Variants in ATP13A5 observed in about 807,000 individuals in gnomAD.
The protein encoded by ATP13A5 is ATPase 13A5.
A neutral mutation model predicts 150.2 loss-of-function variants in ATP13A5; 149 were observed. The observed-to-expected ratio is 0.99, with a 90% CI of 0.87 to 1.14. ATP13A5 has a LOEUF of 1.14. Among genes scored for constraint, ATP13A5 ranks in the 50% most tolerant of loss-of-function variants. The pLI is 0.00. For synonymous variants in ATP13A5, 497 were observed against 522.2 expected, an observed-to-expected ratio of 0.95 and a Z score of 0.66; for missense variants, 1,383 against 1,449.3, an observed-to-expected ratio of 0.95 and a Z score of 0.74.
intron 26 of ATP13A5, among the ~76,000 whole-genome samples, chr3:193,288,427 C>T (rs1717812347): frequency 6.6e-6 from 1 of 152,120 alleles, no homozygotes; most frequent in African/African-American, 2.4e-5. Flanking sequence ...CTTGATCAGT[C>T]AGCAGCCGCT....
At chr3:193,284,371 C>A (rs942462938) in intron 27 of ATP13A5, among the ~76,000 whole-genome samples, 1 of 152,054 alleles carries the variant, frequency 6.6e-6, no homozygotes, top group African/African-American at 2.4e-5. Flanking sequence ...TTTTAAAAAA[C>A]TCTACTTAAA....
intron 5 of ATP13A5, among the ~76,000 whole-genome samples, chr3:193,360,293 G>A: frequency 6.7e-6 from 1 of 148,172 alleles, no homozygotes; most frequent in South Asian, 2.1e-4. Context: ...ATGTAAATCT[G>A]CATTTTCTCT....
intron 12 of ATP13A5, among the ~76,000 whole-genome samples, chr3:193,328,553 A>AATTAG (rs1388306811): frequency 1.3e-5 from 2 of 152,208 alleles, no homozygotes; most frequent in Non-Finnish European, 2.9e-5. Flanking sequence ...GCAAAACAGA[A>AATTAG]ATTAGATTAT....
chr3:193,306,656 T>G (rs1008662281), intron 22 of ATP13A5, among the ~76,000 whole-genome samples: 1 of 152,222 alleles, frequency 6.6e-6, no homozygotes, highest in African/African-American at 2.4e-5. Context: ...AATATTTCCT[T>G]AAGTACATAA....
intron 22 of ATP13A5, chr3:193,307,049 A>G: frequency 1.1e-6 from 1 of 916,970 alleles, no homozygotes; most frequent in Non-Finnish European, 1.3e-6. Flanking sequence ...AAGCAGATAG[A>G]CTTGTAAAGT....
intron 9 of ATP13A5, among the ~76,000 whole-genome samples, chr3:193,341,169 CCCCCT>C: frequency 7.9e-6 from 1 of 125,862 alleles, no homozygotes; most frequent in Admixed American, 7.9e-5. Context: ...CATATTCCCC[CCCCCT>C]CCCAAATGAT....
At chr3:193,344,961 T>C in intron 8 of ATP13A5, 42 bp downstream of exon 8, 6 of 1,540,230 alleles carry the variant, frequency 3.9e-6, no homozygotes, top group Non-Finnish European at 5.4e-6. Context: ...AATTCCCCCC[T>C]GAAATATTAA....
intron 23 of ATP13A5, 119 bp from the exon 24 acceptor site, chr3:193,301,426 T>G (rs967842973): frequency 1.0e-5 from 7 of 681,704 alleles, no homozygotes; most frequent in Admixed American, 2.7e-5. Context: ...CACTTAATCA[T>G]GAATTCATCC....
intron 22 of ATP13A5, among the ~76,000 whole-genome samples, chr3:193,306,361 T>G (rs1438426207): frequency 1.3e-5 from 2 of 152,084 alleles, no homozygotes; most frequent in Non-Finnish European, 2.9e-5. Context: ...TGTCCCTTTT[T>G]GCATTTGATT....
At chr3:193,354,413 A>G (rs1479771153) in intron 5 of ATP13A5, among the ~76,000 whole-genome samples, 1 of 152,182 alleles carries the variant, frequency 6.6e-6, no homozygotes, top group Non-Finnish European at 1.5e-5. Context: ...CGATACAAAT[A>G]TATCTTAAAT....
chr3:193,321,651 T>C lies in ATP13A5; in HGVS notation c.1915+30A>G, dbSNP rs1467706754. On this transcript the variant is annotated intron_variant, in intron 16 of 29. Transcript: ENST00000342358. The stretch of plus-strand genomic sequence containing the variant: ...GTCTCAAAGAAAAAACAAAAGTATT[T>C]TACTTCTTGAAAGAGAAAAGTGTTA... 12 of 1,609,316 alleles carry C rather than the reference T, an allele frequency of 7.5e-6. No homozygotes were observed. In the African/African-American group the frequency reaches 1.2e-4, roughly 16 times the overall value.
intron 23 of ATP13A5, among the ~76,000 whole-genome samples, chr3:193,304,330 GACAC>G (rs142435493): frequency 0.017 from 2,644 of 152,230 alleles, 98 homozygotes; most frequent in African/African-American, 0.06. Context: ...GGTGTGAAAG[GACAC>G]ACGTGCAGAC....
intron 25 of ATP13A5, among the ~76,000 whole-genome samples, chr3:193,294,879 A>G (rs1048965567): frequency 1.3e-5 from 2 of 152,188 alleles, no homozygotes; most frequent in Non-Finnish European, 2.9e-5. Flanking sequence ...AAAATCATCT[A>G]GCAACACAGT....
rs765125517 is a variant in ATP13A5 at position 193,327,051 on chromosome 3, T to C, written c.1468A>G (p.Thr490Ala). The change falls in exon 13 of 30, where the codon ACT becomes GCT. Residue 490 changes from threonine to alanine, a missense_variant. Physicochemically the swap from Thr to Ala is moderately conservative, Grantham distance 58 (BLOSUM62 0). Around this residue, in one of 3 missense-constraint regions of ATP13A5, gnomAD observed 787 missense variants for 771.9 expected, o/e 1.02. Coordinates refer to ENST00000342358, the MANE Select transcript of ATP13A5 (RefSeq NM_198505.4). ...AGGTCCAGCCCATCTTCAGTGAGAG[T>C]GCCAGTCTGAGTAAAAATTAAAAGC... ...INLVCFDKTG[T>A]LTEDGLDLWG... The C allele has an allele frequency of 1.9e-5, 31 of 1,605,820 alleles. No homozygotes were observed. Among genetic ancestry groups the C allele is most frequent in the Non-Finnish European group, 2.6e-5 (31 of 1,178,254 alleles).
intron 25 of ATP13A5, among the ~76,000 whole-genome samples, chr3:193,294,029 T>G (rs1163227923): frequency 6.6e-6 from 1 of 152,068 alleles, no homozygotes; most frequent in East Asian, 1.9e-4. Context: ...TCGATAAATT[T>G]TCTCTTCAAA....
chr3:193,340,330 A>G (rs575392069), intron 9 of ATP13A5, among the ~76,000 whole-genome samples: 1 of 152,328 alleles, frequency 6.6e-6, no homozygotes, highest in African/African-American at 2.4e-5. Context: ...AATACGCAAC[A>G]CAGTACCTGG....
chr3:193,288,975 C>G, intron 26 of ATP13A5, among the ~76,000 whole-genome samples: 1 of 152,052 alleles, frequency 6.6e-6, no homozygotes, highest in East Asian at 1.9e-4. Flanking sequence ...TGAGTATATG[C>G]ACTCCAATTT....
At chr3:193,327,318 G>A (rs568534359) in intron 12 of ATP13A5, among the ~76,000 whole-genome samples, 1 of 152,258 alleles carries the variant, frequency 6.6e-6, no homozygotes, top group African/African-American at 2.4e-5. Flanking sequence ...GTTTTGTTTT[G>A]GTTTGGTTTG....
intron 1 of ATP13A5, among the ~76,000 whole-genome samples, chr3:193,371,834 T>C (rs1420305096): frequency 2.6e-5 from 4 of 152,176 alleles, no homozygotes; most frequent in African/African-American, 4.8e-5. Flanking sequence ...ATTAACTCCA[T>C]TGAGTTCATG....
Sources: gnomAD v4.1 joint callset for allele counts (sites outside exome capture counted in the v4.1 genomes callset) on GRCh38, gnomAD v4.1.1 for gene constraint, gnomAD v4.1.1 regional missense constraint, MANE v1.5 for transcripts, NCBI Gene and HGNC (gene_info 2026-07-23, HGNC 2026-07-21) for gene names.